PLCB1: variants seen among roughly 807,000 people sequenced by gnomAD.
The protein encoded by PLCB1 is phospholipase C beta 1, also known as 1-phosphatidylinositol 4,5-bisphosphate phosphodiesterase beta-1.
Under a neutral mutation model 161.8 loss-of-function variants are expected in PLCB1, and 46 were observed. That is an observed-to-expected ratio of 0.28 (90% CI 0.22 to 0.36). The LOEUF (loss-of-function observed/expected upper bound fraction) is 0.36, where lower values mean the gene tolerates loss of function less well. Ranked by LOEUF, PLCB1 falls within the 10% of genes least tolerant of loss-of-function variation. The pLI is 1.00. For synonymous variants in PLCB1, 517 were observed against 503.7 expected (o/e 1.03, Z -0.35); for missense variants, 1,016 against 1,472.5 (o/e 0.69, Z 5.07).
chr20:8,314,518 C>T (rs1046751021), intron 2 of PLCB1, among the ~76,000 whole-genome samples: 9 of 152,180 alleles, frequency 5.9e-5, no homozygotes, highest in Non-Finnish European at 2.9e-5. Context: ...TGATTACTAT[C>T]ACTGTGACTT....
At chr20:8,406,764 T>C (rs1978805269) in intron 3 of PLCB1, among the ~76,000 whole-genome samples, 1 of 152,178 alleles carries the variant, frequency 6.6e-6, no homozygotes, top group Non-Finnish European at 1.5e-5. Flanking sequence ...TTACAGTAAA[T>C]TCCCAGAAAA....
Position 8,436,561 on chromosome 20 carries a change from T to A in PLCB1, c.246+65111T>A, listed in dbSNP as rs574960772. ...TCTTTTTTCTCTTTTCCTCTTTTTT[T>A]TCTCTCTTCTCTGTCTCTCCTCATT... On this transcript the variant is annotated intron_variant, in intron 3 of 31. Coordinates refer to ENST00000338037, the MANE Select transcript of PLCB1 (RefSeq NM_015192.4). 2.0e-5 allele frequency among the ~76,000 whole-genome samples: 3 copies of A among 152,220 alleles called. No homozygotes were observed. The East Asian group carries it at 5.8e-4, about 29-fold the overall frequency.
chr20:8,648,578 A>G (rs1600224937), intron 6 of PLCB1, among the ~76,000 whole-genome samples: 1 of 152,320 alleles, frequency 6.6e-6, no homozygotes, highest in South Asian at 2.1e-4. Context: ...AAAAAAGTCC[A>G]TCTCTAGGTC....
intron 7 of PLCB1, among the ~76,000 whole-genome samples, chr20:8,654,523 C>T (rs1989400597): frequency 6.6e-6 from 1 of 151,778 alleles, no homozygotes; most frequent in African/African-American, 2.4e-5. Context: ...TCATGTCACT[C>T]AAAAGCTCAT....
chr20:8,333,922 G>C (rs1985462159), intron 2 of PLCB1, among the ~76,000 whole-genome samples: 1 of 152,162 alleles, frequency 6.6e-6, no homozygotes, highest in Non-Finnish European at 1.5e-5. Flanking sequence ...GAAAACATTA[G>C]CTTTGGGCCT....
At chr20:8,637,031 CA>C (rs5840275) in intron 4 of PLCB1, among the ~76,000 whole-genome samples, 32,299 of 122,006 alleles carry the variant, frequency 0.26, 3,665 homozygotes, top group Admixed American at 0.35. Flanking sequence ...ATGAGCACCA[CA>C]AAAAAAAAAA....
intron 3 of PLCB1, among the ~76,000 whole-genome samples, chr20:8,516,325 T>C (rs146927030): frequency 2.8e-4 from 42 of 152,270 alleles, no homozygotes; most frequent in African/African-American, 9.9e-4. Flanking sequence ...CTTCTGATAA[T>C]ATTACTCTGG....
intron 31 of PLCB1, among the ~76,000 whole-genome samples, chr20:8,827,130 A>C (rs961679972): frequency 1.5e-4 from 23 of 152,258 alleles, no homozygotes; most frequent in African/African-American, 4.6e-4. Context: ...AGTTTTCATT[A>C]TCCAATGCTG....
rs1033214651 is a variant in PLCB1 at position 8,335,269 on chromosome 20, G to A, written c.178-36113G>A. On this transcript the variant is annotated intron_variant, in intron 2 of 31. Coordinates refer to ENST00000338037, the MANE Select transcript of PLCB1 (RefSeq NM_015192.4). ...CAAGCTGGGACTTTGTACTCCTGAT[G>A]TCTCACCCAGCCAGGGCAAAGGGTC... Among the ~76,000 whole-genome samples the A allele has an allele frequency of 3.9e-5, 6 of 152,176 alleles. No homozygotes were observed. The South Asian group carries it at 6.2e-4, about 16-fold the overall frequency.
chr20:8,821,494 A>C (rs1985373643), intron 31 of PLCB1, among the ~76,000 whole-genome samples: 1 of 42,364 alleles, frequency 2.4e-5, no homozygotes, highest in African/African-American at 1.4e-4. Context: ...AAAAAAAAAA[A>C]AAATATGTAT....
intron 9 of PLCB1, among the ~76,000 whole-genome samples, chr20:8,672,638 A>G (rs1021951648): frequency 6.6e-6 from 1 of 152,068 alleles, no homozygotes; most frequent in Non-Finnish European, 1.5e-5. Flanking sequence ...GACCTTAGCA[A>G]TGTGCCATGA....
At chr20:8,198,404 T>C (rs979493714) in intron 2 of PLCB1, among the ~76,000 whole-genome samples, 1 of 152,156 alleles carries the variant, frequency 6.6e-6, no homozygotes, top group Non-Finnish European at 1.5e-5. Context: ...TCCTAGCTAT[T>C]TTCTGTAGAA....
Position 8,651,596 on chromosome 20 carries a change from A to T in PLCB1, c.594+2147A>T, listed in dbSNP as rs891259406. 5 of 687,778 alleles carry T rather than the reference A, an allele frequency of 7.3e-6. No individual in the cohort carries two copies. The Admixed American group carries it at 1.1e-4, about 14-fold the overall frequency. The allele number at this position is 687,778 out of a possible 1,614,324, so 42.6% of individuals were successfully genotyped here. On this transcript the variant is annotated intron_variant, in intron 7 of 31. Coordinates refer to ENST00000338037, the MANE Select transcript of PLCB1 (RefSeq NM_015192.4). The stretch of plus-strand genomic sequence containing the variant: ...AAGGTCCTGTCCCCGACTTCAACAA[A>T]TATTTCTTGAGCTCTTACTATGTGC...
At chr20:8,402,461 T>C (rs1301000698) in intron 3 of PLCB1, among the ~76,000 whole-genome samples, 1 of 152,158 alleles carries the variant, frequency 6.6e-6, no homozygotes. Context: ...TTTACATTTC[T>C]AACCACCTTT....
chr20:8,705,399 CA>C (rs888737379), intron 11 of PLCB1, among the ~76,000 whole-genome samples: 14 of 152,144 alleles, frequency 9.2e-5, no homozygotes, highest in Admixed American at 6.5e-5. Flanking sequence ...ATTTCCTGAG[CA>C]TCTAGAATGT....
At position 8,355,960 on chromosome 20, in the gene PLCB1, T is replaced by C. The variant is rs1200953881; in HGVS notation, c.178-15422T>C. Among the ~76,000 whole-genome samples, 3 of 152,322 alleles carry C rather than the reference T, an allele frequency of 2.0e-5. No homozygotes were observed. In the East Asian group the frequency reaches 5.8e-4, roughly 29 times the overall value. ...TTTTTAATGCAACAAAATCTCATCA[T>C]ACTGTATTTTTTCTTCTTAGCTTTA... On this transcript the variant is annotated intron_variant, in intron 2 of 31. Transcript: ENST00000338037.
chr20:8,438,594 GTA>G (rs1183855750), intron 3 of PLCB1, among the ~76,000 whole-genome samples: 2 of 152,158 alleles, frequency 1.3e-5, no homozygotes, highest in East Asian at 3.8e-4. Context: ...AAGTTCTCAG[GTA>G]TCTGTGAATG....
intron 2 of PLCB1, among the ~76,000 whole-genome samples, chr20:8,158,334 T>C (rs1008160655): frequency 5.3e-5 from 8 of 152,194 alleles, no homozygotes; most frequent in South Asian, 2.1e-4. Flanking sequence ...CAACTCAAGA[T>C]TGTTGATGGT....
intron 14 of PLCB1, among the ~76,000 whole-genome samples, chr20:8,720,583 G>A (rs150157538): frequency 2.5e-3 from 373 of 152,240 alleles, no homozygotes; most frequent in African/African-American, 8.3e-3. Context: ...TAGTAGACTT[G>A]TCCTAAGGAA....
Sources: gnomAD v4.1 joint callset for allele counts (sites outside exome capture counted in the v4.1 genomes callset) on GRCh38, gnomAD v4.1.1 for gene constraint, MANE v1.5 for transcripts, NCBI Gene and HGNC (gene_info 2026-07-23, HGNC 2026-07-21) for gene names.